The following CLIC5 variants were observed in gnomAD, a reference collection of about 807,000 sequenced individuals.
CLIC5 encodes CLIC family member 5.
Under a neutral mutation model 24.7 loss-of-function variants are expected in CLIC5, and 20 were observed. The ratio of observed to expected loss-of-function variants is 0.81; its 90% CI spans 0.57 to 1.18. CLIC5 has a LOEUF of 1.18. Among genes scored for constraint, CLIC5 ranks in the 50% most tolerant of loss-of-function variants. The pLI is 0.00. For missense variants in CLIC5, 341 were observed against 326.1 expected, an observed-to-expected ratio of 1.05 and a Z score of -0.35; for synonymous variants, 159 against 135.6, an observed-to-expected ratio of 1.17 and a Z score of -1.20.
intron 2 of CLIC5, among the ~76,000 whole-genome samples, chr6:45,952,087 C>T (rs1037518566): frequency 5.9e-5 from 9 of 152,192 alleles, no homozygotes; most frequent in African/African-American, 2.2e-4. Flanking sequence ...CTCTCAGTCA[C>T]CTCTCTGTGG....
At chr6:46,066,491 A>T (rs1333872971) in intron 1 of CLIC5, among the ~76,000 whole-genome samples, 1 of 152,184 alleles carries the variant, frequency 6.6e-6, no homozygotes, top group Non-Finnish European at 1.5e-5. Context: ...CAAATTTCCC[A>T]GAACACACCA....
At chr6:45,950,185 A>G in intron 2 of CLIC5, among the ~76,000 whole-genome samples, 1 of 152,244 alleles carries the variant, frequency 6.6e-6, no homozygotes, top group East Asian at 1.9e-4. Context: ...TTCAAGCTCC[A>G]TGAGGGAAAG....
At chr6:46,125,902 C>A in the CLIC5 span, among the ~76,000 whole-genome samples, 1 of 152,286 alleles carries the variant, frequency 6.6e-6, no homozygotes, top group East Asian at 1.9e-4. Context: ...ATTATTTCAA[C>A]AAAAGTTTCA....
the CLIC5 span, among the ~76,000 whole-genome samples, chr6:46,110,938 G>A: frequency 6.6e-6 from 1 of 152,186 alleles, no homozygotes; most frequent in Non-Finnish European, 1.5e-5. Context: ...AAATAAATTG[G>A]TCCTACTATT....
upstream of CLIC5, among the ~76,000 whole-genome samples, chr6:46,016,198 G>GGAAGGGGAAGAGGAAGGGGAAAGGA (rs1767003717): frequency 7.8e-6 from 1 of 128,722 alleles, no homozygotes; most frequent in Admixed American, 7.4e-5. Flanking sequence ...AGGGGAAAGG[G>GGAAGGGGAAGAGGAAGGGGAAAGGA]GAAGGGGAAG....
chr6:46,119,226 C>G, the CLIC5 span, among the ~76,000 whole-genome samples: 3 of 152,214 alleles, frequency 2.0e-5, no homozygotes, highest in Non-Finnish European at 4.4e-5. Context: ...TTACACCATG[C>G]TAATCTGCAA....
chr6:45,938,127 A>C (rs768514283), intron 4 of CLIC5, among the ~76,000 whole-genome samples: 64 of 152,350 alleles, frequency 4.2e-4, no homozygotes, highest in Non-Finnish European at 7.2e-4. Context: ...CCAGAGGGAA[A>C]AAAATGGCAA....
At chr6:45,956,577 G>A (rs1332909777) in intron 1 of CLIC5, among the ~76,000 whole-genome samples, 1 of 151,676 alleles carries the variant, frequency 6.6e-6, no homozygotes, top group Non-Finnish European at 1.5e-5. Flanking sequence ...ATTCAGATGG[G>A]GAGGCAGCGA....
At chr6:45,955,289 G>T in intron 1 of CLIC5, 45 bp from the exon 2 acceptor site, 1 of 1,401,822 alleles carries the variant, frequency 7.1e-7, no homozygotes, top group South Asian at 1.2e-5. Flanking sequence ...GGTGCAATTA[G>T]CAAGGGGAAC....
intron 1 of CLIC5, among the ~76,000 whole-genome samples, chr6:46,026,338 C>T (rs887908213): frequency 4.9e-4 from 74 of 152,264 alleles, no homozygotes; most frequent in Non-Finnish European, 4.7e-4. Context: ...ATATGCATCG[C>T]TCTCCAATTT....
chr6:46,047,835 C>CA (rs1353495126), intron 1 of CLIC5, among the ~76,000 whole-genome samples: 23 of 64,908 alleles, frequency 3.5e-4, no homozygotes, highest in Admixed American at 1.6e-3. Context: ...GTGTATGTTT[C>CA]AAAAAAAACA....
chr6:45,928,596 C>G (rs1763596062), intron 4 of CLIC5, among the ~76,000 whole-genome samples: 1 of 152,194 alleles, frequency 6.6e-6, no homozygotes, highest in Non-Finnish European at 1.5e-5. Context: ...GTCTGCATAT[C>G]CTGTGCTTAG....
Position 45,921,285 on chromosome 6 carries a change from G to A in CLIC5, c.407-6876C>T, listed in dbSNP as rs150489768. Among the ~76,000 whole-genome samples, 784 of 152,276 alleles carry A rather than the reference G, an allele frequency of 5.1e-3. 7 individuals are homozygous for A. The highest frequency in any genetic ancestry group is 0.016 in the African/African-American group (655 of 41,542). Reference sequence around the variant, plus strand: ...AAGATGGGAAGGGGACTTTCTATCAGGTCTGATGGGACGCTCTCTGCTGTG... The same window carrying A: ...AAGATGGGAAGGGGACTTTCTATCAAGTCTGATGGGACGCTCTCTGCTGTG... On this transcript the variant is annotated intron_variant, in intron 4 of 5. Coordinates refer to ENST00000339561, the MANE Select transcript of CLIC5 (RefSeq NM_016929.5).
Position 45,887,562 on chromosome 6 carries a change from A to G in CLIC5, c.624-6374T>C, listed in dbSNP as rs141253056. Among the ~76,000 whole-genome samples the G allele has an allele frequency of 4.3e-3, 650 of 152,006 alleles. 4 individuals are homozygous for G. The highest frequency in any genetic ancestry group is 0.015 in the African/African-American group (608 of 41,490). ...TACAGGTTCTGAGCTTTATATCTCA[A>G]GCATAGTTTTTGGGGGGACACAATT... is the stretch of plus-strand genomic sequence containing the variant. On this transcript the variant is annotated intron_variant, in intron 6 of 6. Coordinates refer to the CLIC5 transcript ENST00000644324.
chr6:46,104,189 T>G, the CLIC5 span, among the ~76,000 whole-genome samples: 2 of 152,224 alleles, frequency 1.3e-5, no homozygotes, highest in African/African-American at 4.8e-5. Context: ...AATATTTTCC[T>G]ATGCCTTTGT....
intron 1 of CLIC5, among the ~76,000 whole-genome samples, chr6:46,001,324 G>C (rs1766349608): frequency 6.6e-6 from 1 of 152,114 alleles, no homozygotes; most frequent in Non-Finnish European, 1.5e-5. Flanking sequence ...AGGTCTACGG[G>C]GGAGAGAGGG....
intron 1 of CLIC5, among the ~76,000 whole-genome samples, chr6:46,037,898 A>C (rs897022375): frequency 6.6e-6 from 1 of 152,174 alleles, no homozygotes; most frequent in Admixed American, 6.5e-5. Flanking sequence ...ACCAAAAGAC[A>C]TTTTGCTGTG....
chr6:45,941,662 G>A lies in CLIC5; in HGVS notation c.300-9C>T. The A allele has an allele frequency of 6.2e-7, 1 of 1,602,984 alleles. No homozygotes were observed. Among genetic ancestry groups the A allele is most frequent in the Non-Finnish European group, 8.5e-7 (1 of 1,169,882 alleles). On this transcript the variant is annotated splice_polypyrimidine_tract_variant and intron_variant, in intron 3 of 5. Coordinates refer to ENST00000339561, the MANE Select transcript of CLIC5 (RefSeq NM_016929.5). ...CAGCCAGTTTGGGGTACCTGGAATGGAGGATGCAGTGTTCTGTGAATCAGT... is the reference window on the plus strand; with the variant it reads ...CAGCCAGTTTGGGGTACCTGGAATGAAGGATGCAGTGTTCTGTGAATCAGT...
At chr6:45,990,223 C>G (rs1020735914) in intron 1 of CLIC5, among the ~76,000 whole-genome samples, 2 of 152,150 alleles carry the variant, frequency 1.3e-5, no homozygotes, top group African/African-American at 4.8e-5. Flanking sequence ...ACTTTTTGCA[C>G]TCATCTGAAT....
Sources: allele counts gnomAD v4.1 joint callset (sites outside exome capture counted in the v4.1 genomes callset), GRCh38; gene constraint gnomAD v4.1.1; transcripts MANE v1.5; gene names NCBI Gene and HGNC (gene_info 2026-07-23, HGNC 2026-07-21).